NME7: variants seen among roughly 807,000 people sequenced by gnomAD.
The protein encoded by NME7 is NME/NM23 family member 7.
NME7 carries 41 observed loss-of-function variants against 49.1 expected under a neutral mutation model. That is an observed-to-expected ratio of 0.83 (90% CI 0.65 to 1.08). The LOEUF (loss-of-function observed/expected upper bound fraction) is 1.08, where lower values mean the gene tolerates loss of function less well. Among genes scored for constraint, NME7 ranks in the 50% least tolerant of loss-of-function variants. NME7 has a pLI of 0.00. For missense variants in NME7, 423 were observed against 463.4 expected (o/e 0.91, Z 0.80); for synonymous variants, 139 against 150.6 (o/e 0.92, Z 0.56).
chr1:169,265,237 A>C lies in NME7; in HGVS notation c.754+22066T>G, dbSNP rs1320407308. 7.5e-5 allele frequency among the ~76,000 whole-genome samples: 10 copies of C among 132,804 alleles called. 1 individual carries two copies. Among genetic ancestry groups the C allele is most frequent in the African/African-American group, 2.5e-4 (10 of 39,420 alleles). 87.1% of individuals were successfully genotyped at this position (132,804 alleles called of 152,430 possible). A position where few individuals can be genotyped will look rare whatever the true frequency, so the allele number is the denominator to read the frequency against. On this transcript the variant is annotated intron_variant, in intron 7 of 11. Coordinates refer to ENST00000367811, the MANE Select transcript of NME7 (RefSeq NM_013330.5). ...TCTAAAATCAACCACGGAATCAGAC[A>C]TAAGACAACCCTCAGCAAACTCAAG...
intron 1 of NME7, among the ~76,000 whole-genome samples, chr1:169,351,172 CT>C (rs1189208133): frequency 6.6e-6 from 1 of 151,754 alleles, no homozygotes; most frequent in African/African-American, 2.4e-5. Context: ...ATTTTTATAC[CT>C]TTTTTTAAAA....
At chr1:169,198,297 C>CT (rs1345342905) in intron 10 of NME7, among the ~76,000 whole-genome samples, 5 of 151,950 alleles carry the variant, frequency 3.3e-5, no homozygotes, top group Non-Finnish European at 7.4e-5. Context: ...GGAAAAAACT[C>CT]TACTAGTTTT....
At chr1:169,213,038 G>T (rs1045780976) in intron 10 of NME7, among the ~76,000 whole-genome samples, 3 of 152,060 alleles carry the variant, frequency 2.0e-5, no homozygotes, top group Non-Finnish European at 4.4e-5. Context: ...CCGAAGAGCT[G>T]TCAAGAGTCC....
At chr1:169,243,659 AG>A (rs1299288584) in intron 7 of NME7, among the ~76,000 whole-genome samples, 1 of 152,172 alleles carries the variant, frequency 6.6e-6, no homozygotes, top group Non-Finnish European at 1.5e-5. Flanking sequence ...AGGCACAGTG[AG>A]AAGGTGTCAT....
rs1261653996 is a variant in NME7 at position 169,342,450 on chromosome 1, T to G, written c.4-17950A>C. On this transcript the variant is annotated intron_variant, in intron 1 of 11. Coordinates refer to ENST00000367811, the MANE Select transcript of NME7 (RefSeq NM_013330.5). ...TAGTACCTTTATAGCAGTGTGAACA[T>G]GGACTAATACAAGTACATATATATA... Among the ~76,000 whole-genome samples, 5 of 148,502 alleles carry G rather than the reference T, an allele frequency of 3.4e-5. No individual in the cohort carries two copies. In the Admixed American group the frequency reaches 3.4e-4, roughly 10 times the overall value.
At chr1:169,159,358 A>G (rs1360012159) in intron 11 of NME7, among the ~76,000 whole-genome samples, 1 of 152,218 alleles carries the variant, frequency 6.6e-6, no homozygotes, top group African/African-American at 2.4e-5. Flanking sequence ...CCAGTCCCAC[A>G]TGCCTACCTT....
At chr1:169,176,902 G>T (rs567989142) in intron 10 of NME7, among the ~76,000 whole-genome samples, 1 of 152,136 alleles carries the variant, frequency 6.6e-6, no homozygotes, top group South Asian at 2.1e-4. Context: ...TAGCATAGAG[G>T]ATTGGGTTTT....
At chr1:169,309,017 T>G (rs1217143706) in intron 4 of NME7, among the ~76,000 whole-genome samples, 1 of 152,214 alleles carries the variant, frequency 6.6e-6, no homozygotes, top group Non-Finnish European at 1.5e-5. Context: ...TTTCCTCTAT[T>G]AATTTTATAC....
At chr1:169,260,325 G>A (rs1649120986) in intron 7 of NME7, among the ~76,000 whole-genome samples, 1 of 132,998 alleles carries the variant, frequency 7.5e-6, no homozygotes, top group African/African-American at 2.5e-5. Context: ...GCTTTTCATA[G>A]ACTTTTCTGA....
intron 5 of NME7, among the ~76,000 whole-genome samples, chr1:169,300,735 A>C (rs1571369132): frequency 6.6e-6 from 1 of 152,320 alleles, no homozygotes; most frequent in East Asian, 1.9e-4. Flanking sequence ...ACAAAAACAG[A>C]CACATAGATC....
At chr1:169,321,540 T>C (rs1187233193) in intron 3 of NME7, among the ~76,000 whole-genome samples, 1 of 152,168 alleles carries the variant, frequency 6.6e-6, no homozygotes, top group African/African-American at 2.4e-5. Flanking sequence ...ACATAAGATC[T>C]CATAACATTA....
intron 1 of NME7, among the ~76,000 whole-genome samples, chr1:169,365,528 A>G (rs548808121): frequency 6.6e-6 from 1 of 152,356 alleles, no homozygotes; most frequent in African/African-American, 2.4e-5. Context: ...TGGTATGTTC[A>G]ATGAAAAGCA....
intron 1 of NME7, among the ~76,000 whole-genome samples, chr1:169,325,391 C>A (rs761434554): frequency 1.1e-4 from 17 of 152,052 alleles, no homozygotes; most frequent in Non-Finnish European, 1.0e-4. Flanking sequence ...TTTCAGAGAA[C>A]AGCAGCTGGG....
intron 1 of NME7, among the ~76,000 whole-genome samples, chr1:169,326,786 T>G (rs1368296886): frequency 1.3e-5 from 2 of 152,168 alleles, no homozygotes; most frequent in African/African-American, 4.8e-5. Context: ...CATCTGGACT[T>G]GGGATAAAAC....
chr1:169,200,703 T>C (rs1660522458), intron 10 of NME7, among the ~76,000 whole-genome samples: 1 of 152,074 alleles, frequency 6.6e-6, no homozygotes, highest in African/African-American at 2.4e-5. Context: ...AACTAGCCAA[T>C]CCTGAACTTG....
At chr1:169,281,766 T>C (rs760944425) in intron 7 of NME7, among the ~76,000 whole-genome samples, 5 of 152,222 alleles carry the variant, frequency 3.3e-5, no homozygotes, top group South Asian at 2.1e-4. Flanking sequence ...GATTTGTGTA[T>C]GTTGAACCAG....
intron 11 of NME7, among the ~76,000 whole-genome samples, chr1:169,166,372 T>C (rs891678035): frequency 1.3e-5 from 2 of 152,180 alleles, no homozygotes; most frequent in African/African-American, 4.8e-5. Flanking sequence ...AGATGCATAA[T>C]AGATAAGGTT....
At chr1:169,169,621 T>A in intron 10 of NME7, 67 bp from the exon 11 acceptor site, 1 of 1,378,362 alleles carries the variant, frequency 7.3e-7, no homozygotes, top group Non-Finnish European at 1.0e-6. Flanking sequence ...AAACACTAGC[T>A]ATATGAAACG....
chr1:169,253,187 C>T (rs1451121273), intron 7 of NME7, among the ~76,000 whole-genome samples: 2 of 149,946 alleles, frequency 1.3e-5, no homozygotes, highest in African/African-American at 2.4e-5. Context: ...ATTCTTCCTA[C>T]CCATGAGCAT....
Sources: gnomAD v4.1 joint callset for allele counts (sites outside exome capture counted in the v4.1 genomes callset) on GRCh38, gnomAD v4.1.1 for gene constraint, MANE v1.5 for transcripts, NCBI Gene and HGNC (gene_info 2026-07-23, HGNC 2026-07-21) for gene names.